Variants in TTC17 observed in about 807,000 individuals in gnomAD.
The protein encoded by TTC17 is tetratricopeptide repeat protein 17.
Under a neutral mutation model 143.8 loss-of-function variants are expected in TTC17, and 58 were observed. The ratio of observed to expected loss-of-function variants is 0.40; its 90% CI spans 0.33 to 0.50. TTC17 has a LOEUF of 0.50. TTC17 is among the 20% of genes least tolerant of loss of function. The pLI, the probability that TTC17 is intolerant of heterozygous loss-of-function variation, is 0.49. For missense variants in TTC17, 1,273 were observed against 1,392.5 expected, an observed-to-expected ratio of 0.91 and a Z score of 1.37; for synonymous variants, 501 against 497.8, an observed-to-expected ratio of 1.01 and a Z score of -0.09.
intron 21 of TTC17, among the ~76,000 whole-genome samples, chr11:43,470,620 A>G (rs1948074089): frequency 6.6e-6 from 1 of 152,252 alleles, no homozygotes; most frequent in African/African-American, 2.4e-5. Flanking sequence ...AAATAAAGCT[A>G]GAAGTTTCAT....
At chr11:43,436,672 A>G (rs1049304889) in intron 16 of TTC17, among the ~76,000 whole-genome samples, 7 of 152,192 alleles carry the variant, frequency 4.6e-5, no homozygotes, top group African/African-American at 7.2e-5. Context: ...GGGCTTACCT[A>G]TTACGCCCTC....
intron 16 of TTC17, among the ~76,000 whole-genome samples, chr11:43,424,844 G>A (rs1334370247): frequency 6.6e-6 from 1 of 152,098 alleles, no homozygotes; most frequent in Non-Finnish European, 1.5e-5. Context: ...AAGAAATAGG[G>A]CATTTCTCAG....
At chr11:43,401,115 G>A (rs1458673024) in intron 9 of TTC17, among the ~76,000 whole-genome samples, 1 of 152,138 alleles carries the variant, frequency 6.6e-6, no homozygotes, top group Non-Finnish European at 1.5e-5. Context: ...TATGAAGTAT[G>A]TAAAGCAAAT....
intron 2 of TTC17, among the ~76,000 whole-genome samples, chr11:43,382,642 T>C (rs967809321): frequency 6.6e-6 from 1 of 152,230 alleles, no homozygotes; most frequent in Non-Finnish European, 1.5e-5. Context: ...TTGTTTCCTT[T>C]GTCTTTCTCT....
rs1858213529 is a variant in TTC17, at chr11:43,407,763, G to C, written c.2064+186G>C. ...TATTTTGATGTGTTCTTTAAATTTT[G>C]AGTGAAATTTATAATTACACAGTTA... On this transcript the variant is annotated intron_variant, in intron 15 of 23. Coordinates refer to ENST00000039989, the MANE Select transcript of TTC17 (RefSeq NM_018259.6). Among the ~76,000 whole-genome samples the C allele has an allele frequency of 5.3e-5, 8 of 151,252 alleles. No homozygotes were observed. The South Asian group carries it at 1.7e-3, about 32-fold the overall frequency.
At position 43,494,531 on chromosome 11, in the gene TTC17, T is replaced by A. The variant is rs1948526353; in HGVS notation, c.*627T>A. ...GGATCACCTGACCTTTGTAATGTTA[T>A]TTATGTTGGGGAGGGAGGGGGGCTG... On this transcript the variant is annotated 3_prime_UTR_variant, in exon 24 of 24. Coordinates refer to ENST00000039989, the MANE Select transcript of TTC17 (RefSeq NM_018259.6). The A allele has an allele frequency of 6.6e-6, 1 of 152,132 alleles. No homozygotes were observed. Among genetic ancestry groups the A allele is most frequent in the Non-Finnish European group, 1.5e-5 (1 of 68,038 alleles). The allele number at this position is 152,132 out of a possible 1,614,324, so 9.4% of individuals were successfully genotyped here.
chr11:43,400,129 C>T, intron 9 of TTC17, 81 bp downstream of exon 9: 2 of 1,458,234 alleles, frequency 1.4e-6, no homozygotes, highest in Admixed American at 2.1e-5. Flanking sequence ...TTTCTTGTAG[C>T]CTTAAAGCAG....
intron 21 of TTC17, among the ~76,000 whole-genome samples, chr11:43,452,756 G>A (rs1022541752): frequency 9.2e-5 from 14 of 152,034 alleles, no homozygotes; most frequent in Admixed American, 2.6e-4. Context: ...GCAACATAGC[G>A]AGACCCTATC....
chr11:43,463,496 ATACCT>A (rs1361384944), intron 21 of TTC17, among the ~76,000 whole-genome samples: 1 of 152,024 alleles, frequency 6.6e-6, no homozygotes, highest in East Asian at 1.9e-4. Context: ...TTAAAAGAAA[ATACCT>A]TAGGCAATTT....
At chr11:43,399,814 T>C in intron 8 of TTC17, 74 bp from the exon 9 acceptor site, 1 of 1,452,528 alleles carries the variant, frequency 6.9e-7, no homozygotes, top group South Asian at 1.5e-5. Context: ...ACCAGAAAAA[T>C]CTGTGCATTT....
chr11:43,480,559 T>C (rs921965781), intron 21 of TTC17, among the ~76,000 whole-genome samples: 6 of 152,164 alleles, frequency 3.9e-5, no homozygotes, highest in African/African-American at 1.4e-4. Flanking sequence ...GAAGATTTGC[T>C]AAGCAAATAA....
At chr11:43,412,695 G>T (rs1240414484) in intron 15 of TTC17, among the ~76,000 whole-genome samples, 2 of 152,040 alleles carry the variant, frequency 1.3e-5, no homozygotes, top group African/African-American at 4.8e-5. Context: ...ATTTTCAGAT[G>T]GGGATGTACA....
At chr11:43,397,014 T>A (rs576683276) in intron 6 of TTC17, 196 bp downstream of exon 6, 2 of 475,940 alleles carry the variant, frequency 4.2e-6, no homozygotes, top group African/African-American at 3.9e-5. Flanking sequence ...TTGTGTAATA[T>A]ACTTTCCATT....
intron 23 of TTC17, among the ~76,000 whole-genome samples, chr11:43,492,429 T>C (rs1590520394): frequency 6.6e-6 from 1 of 152,198 alleles, no homozygotes; most frequent in Non-Finnish European, 1.5e-5. Flanking sequence ...ACCTACAGTT[T>C]CCTGGAGACA....
chr11:43,391,801 A>C lies in TTC17; in HGVS notation c.532-20A>C. 6.2e-7 allele frequency: 1 copy of C among 1,607,644 alleles called. No individual in the cohort carries two copies. The highest frequency in any genetic ancestry group is 8.5e-7 in the Non-Finnish European group (1 of 1,178,588). On this transcript the variant is annotated intron_variant, in intron 4 of 23. Coordinates refer to ENST00000039989, the MANE Select transcript of TTC17 (RefSeq NM_018259.6). ...TTTATATCCTTTGATATGTCTTTTG[A>C]ATCTTTTTCTTCTCTTCAGGGTGTA...
chr11:43,492,780 A>G (rs1217884050), intron 23 of TTC17, among the ~76,000 whole-genome samples: 1 of 152,196 alleles, frequency 6.6e-6, no homozygotes, highest in East Asian at 1.9e-4. Flanking sequence ...AGTCATCCAG[A>G]TCCCTCATTC....
At chr11:43,430,131 T>G (rs1590405342) in intron 16 of TTC17, among the ~76,000 whole-genome samples, 1 of 152,150 alleles carries the variant, frequency 6.6e-6, no homozygotes, top group Admixed American at 6.5e-5. Context: ...GAAGCAAGAT[T>G]AACAAACTAG....
At chr11:43,449,054 C>T (rs928941669) in intron 19 of TTC17, 1 of 152,460 alleles carries the variant, frequency 6.6e-6, no homozygotes, top group Non-Finnish European at 1.5e-5. Flanking sequence ...CATAACCATC[C>T]CTACGTCGGT....
chr11:43,430,893 C>T (rs941930053), intron 16 of TTC17, among the ~76,000 whole-genome samples: 7 of 152,166 alleles, frequency 4.6e-5, no homozygotes, highest in South Asian at 2.1e-4. Context: ...CTCATCAACC[C>T]GTCATCTACA....
Sources: allele counts gnomAD v4.1 joint callset (sites outside exome capture counted in the v4.1 genomes callset), GRCh38; gene constraint gnomAD v4.1.1; transcripts MANE v1.5; gene names NCBI Gene and HGNC (gene_info 2026-07-23, HGNC 2026-07-21).